MLIP: variants seen among roughly 807,000 people sequenced by gnomAD.
The protein encoded by MLIP is muscular LMNA interacting protein.
MLIP carries 79 observed loss-of-function variants against 84.8 expected under a neutral mutation model. The observed-to-expected ratio is 0.93, with a 90% CI of 0.78 to 1.12. MLIP has a LOEUF of 1.12. MLIP is among the 50% of genes most tolerant of loss of function. The pLI, the probability that MLIP is intolerant of heterozygous loss-of-function variation, is 0.00. For missense variants in MLIP, 1,257 were observed against 1,160.6 expected (o/e 1.08, Z -1.21); for synonymous variants, 504 against 463.0 (o/e 1.09, Z -1.14).
intron 1 of MLIP, among the ~76,000 whole-genome samples, chr6:54,023,062 G>T (rs1763588772): frequency 6.6e-6 from 1 of 151,938 alleles, no homozygotes; most frequent in Non-Finnish European, 1.5e-5. Flanking sequence ...AGCTGCTCGG[G>T]AGGCTGAGGC....
intron 1 of MLIP, chr6:54,043,305 T>C (rs1764851274): frequency 6.9e-6 from 1 of 145,474 alleles, no homozygotes; most frequent in African/African-American, 2.6e-5. Flanking sequence ...ATGTTTCTAT[T>C]TGTTTTAAAG....
chr6:54,140,979 T>C (rs955217809), intron 4 of MLIP, among the ~76,000 whole-genome samples: 1 of 152,194 alleles, frequency 6.6e-6, no homozygotes. Flanking sequence ...TCAGCTTTAC[T>C]CACTCTGAGA....
In MLIP at chr6:54,083,397, T is replaced by C. The variant is rs143013738; in HGVS notation, c.64-38050T>C. 6.1e-4 allele frequency: 829 copies of C among 1,361,308 alleles called. 8 individuals carry two copies. In the African/African-American group the frequency reaches 0.011, roughly 18 times the overall value. 84.3% of individuals were successfully genotyped at this position (1,361,308 alleles called of 1,614,324 possible). On this transcript the variant is annotated intron_variant, in intron 1 of 12. Coordinates refer to the MLIP transcript ENST00000274897. ...ATGCATTGCTATTTCCAGTCCAGAG[T>C]TGTTGGGGAAGCAGGGAGGAAGGAG...
chr6:54,043,441 T>A (rs1764860895), intron 1 of MLIP: 1 of 152,216 alleles, frequency 6.6e-6, no homozygotes. Flanking sequence ...ACACAGCATG[T>A]CATCTATGTA....
At chr6:54,248,433 T>C (rs961477998) in intron 12 of MLIP, among the ~76,000 whole-genome samples, 28 of 152,176 alleles carry the variant, frequency 1.8e-4, no homozygotes, top group African/African-American at 6.5e-4. Context: ...CTGTTTTCAT[T>C]ATAACCTGGG....
chr6:54,050,218 A>G (rs1765296793), intron 1 of MLIP, among the ~76,000 whole-genome samples: 1 of 152,150 alleles, frequency 6.6e-6, no homozygotes, highest in East Asian at 1.9e-4. Context: ...TTTTTACTTT[A>G]TAAAAGTAAT....
At chr6:54,083,946 A>G (rs569000722) in intron 1 of MLIP, among the ~76,000 whole-genome samples, 24 of 152,186 alleles carry the variant, frequency 1.6e-4, no homozygotes, top group Non-Finnish European at 2.1e-4. Flanking sequence ...ACTTTTTAGG[A>G]CTAAATTTGA....
chr6:54,159,722 A>G (rs1421129831), intron 5 of MLIP, among the ~76,000 whole-genome samples: 1 of 152,078 alleles, frequency 6.6e-6, no homozygotes, highest in Non-Finnish European at 1.5e-5. Context: ...GAGTGCCAAA[A>G]GGATCCCTAA....
Position 54,235,653 on chromosome 6 carries a change from A to G in MLIP, c.2922+4736A>G, listed in dbSNP as rs77200387. ...TTCACTAGGAGCCCCAGATGCTTGAATTATTATGATTATTTCTATTTCAAG... is the reference window on the plus strand; with the variant it reads ...TTCACTAGGAGCCCCAGATGCTTGAGTTATTATGATTATTTCTATTTCAAG... On this transcript the variant is annotated intron_variant, in intron 12 of 13. Transcript: ENST00000502396. Among the ~76,000 whole-genome samples the G allele has an allele frequency of 7.1e-3, 1,081 of 152,300 alleles. 18 individuals carry two copies. The highest frequency in any genetic ancestry group is 0.025 in the African/African-American group (1,046 of 41,564).
Position 54,048,158 on chromosome 6 carries a change from G to T in MLIP, c.63+29067G>T, listed in dbSNP as rs757388149. Among the ~76,000 whole-genome samples, 4 of 152,248 alleles carry T rather than the reference G, an allele frequency of 2.6e-5. No homozygotes were observed. The South Asian group carries it at 8.3e-4, about 32-fold the overall frequency. ...AGAGAAGAGCTGTTCCCAATGGGATGGTGATGTCTGTCAGTAGGTGGCTGA... is the reference window on the plus strand; with the variant it reads ...AGAGAAGAGCTGTTCCCAATGGGATTGTGATGTCTGTCAGTAGGTGGCTGA... On this transcript the variant is annotated intron_variant, in intron 1 of 12. Coordinates refer to the MLIP transcript ENST00000274897.
intron 9 of MLIP, among the ~76,000 whole-genome samples, chr6:54,171,125 G>T (rs752574697): frequency 1.3e-5 from 2 of 151,452 alleles, no homozygotes; most frequent in Non-Finnish European, 3.0e-5. Context: ...GGTTAATTTG[G>T]TAGCAATTGA....
At chr6:54,132,624 T>A (rs1481487011) in intron 3 of MLIP, among the ~76,000 whole-genome samples, 1 of 152,018 alleles carries the variant, frequency 6.6e-6, no homozygotes, top group East Asian at 1.9e-4. Flanking sequence ...AAGCTGTTCA[T>A]CAGAACAGTA....
intron 1 of MLIP, among the ~76,000 whole-genome samples, chr6:54,042,578 G>T (rs1582015636): frequency 6.6e-6 from 1 of 152,098 alleles, no homozygotes; most frequent in Admixed American, 6.6e-5. Flanking sequence ...AATTATGTAA[G>T]AACATTTAGA....
chr6:54,146,973 T>C (rs1772908088), intron 4 of MLIP, among the ~76,000 whole-genome samples: 2 of 152,178 alleles, frequency 1.3e-5, no homozygotes, highest in African/African-American at 4.8e-5. Flanking sequence ...AGTTTCCATA[T>C]ATAAAATGGG....
chr6:54,134,497 C>T (rs1390769205), intron 3 of MLIP, among the ~76,000 whole-genome samples: 1 of 151,580 alleles, frequency 6.6e-6, no homozygotes, highest in African/African-American at 2.4e-5. Context: ...ACATGGTAAA[C>T]ATCTTTAGAC....
intron 10 of MLIP, among the ~76,000 whole-genome samples, chr6:54,199,467 C>T (rs1386290861): frequency 6.6e-6 from 1 of 152,026 alleles, no homozygotes; most frequent in African/African-American, 2.4e-5. Context: ...GAGACAATGA[C>T]AATGTTATTA....
intron 12 of MLIP, among the ~76,000 whole-genome samples, chr6:54,256,741 T>C (rs749245055): frequency 2.6e-5 from 4 of 152,168 alleles, no homozygotes; most frequent in Non-Finnish European, 4.4e-5. Flanking sequence ...CTCTATGATA[T>C]AAATTACATT....
rs1339221342 is a variant in MLIP at position 54,138,142 on chromosome 6, A to T, written c.2073A>T (p.Arg691Ser). 1.3e-6 allele frequency: 2 copies of T among 1,536,042 alleles called. No homozygotes were observed. The highest frequency in any genetic ancestry group is 1.7e-6 in the Non-Finnish European group (2 of 1,146,882). Residue 691 changes from arginine (R) to serine (S), a missense_variant, in exon 4 of 14, where the codon AGA becomes AGT. Coordinates refer to ENST00000502396, the MANE Select transcript of MLIP (RefSeq NM_001281747.2). ...PHCGSGTLPS[R>S]LGKSESTTPN... ...GCGGCAGTGGTACCTTGCCTTCAAGACTTGGGAAATCTGAAAGCACCACCC... is the reference window on the plus strand; with the variant it reads ...GCGGCAGTGGTACCTTGCCTTCAAGTCTTGGGAAATCTGAAAGCACCACCC...
intron 1 of MLIP, among the ~76,000 whole-genome samples, chr6:54,051,894 A>C (rs148533283): frequency 6.6e-6 from 1 of 152,300 alleles, no homozygotes; most frequent in African/African-American, 2.4e-5. Flanking sequence ...CTGGTAACAA[A>C]TACAATTCAA....
Sources: allele counts gnomAD v4.1 joint callset (sites outside exome capture counted in the v4.1 genomes callset), GRCh38; gene constraint gnomAD v4.1.1; transcripts MANE v1.5; gene names NCBI Gene and HGNC (gene_info 2026-07-23, HGNC 2026-07-21).